Variants in PER3 observed in about 807,000 individuals in gnomAD.
The protein encoded by PER3 is period circadian regulator 3, also known as period circadian protein homolog 3.
Under a neutral mutation model 127.2 loss-of-function variants are expected in PER3, and 107 were observed. The observed-to-expected ratio is 0.84, with a 90% CI of 0.72 to 0.99. The LOEUF (loss-of-function observed/expected upper bound fraction) is 0.99. PER3 is among the 50% of genes least tolerant of loss of function. The pLI is 0.00. For synonymous variants in PER3, 618 were observed against 585.8 expected (o/e 1.05, Z -0.79); for missense variants, 1,560 against 1,525.8 (o/e 1.02, Z -0.37).
Position 7,827,274 on chromosome 1 carries a change from C to T in PER3, c.2345C>T (p.Ala782Val), listed in dbSNP as rs1437269665. 1 of 1,613,702 alleles carries T rather than the reference C, an allele frequency of 6.2e-7. No individual in the cohort carries two copies. The highest frequency in any genetic ancestry group is 8.5e-7 in the Non-Finnish European group (1 of 1,179,880). Residue 782 changes from alanine to valine, a missense_variant, in exon 18 of 22, where the codon GCG (alanine) becomes GTG (valine). By Grantham distance (64) the Ala-to-Val change is moderately conservative. Around this residue, in one of 3 missense-constraint regions of PER3, gnomAD observed 1,332 missense variants for 1,223.6 expected, o/e 1.09. Transcript: ENST00000377532. ...AACGCACAGCCCTGCTGCCCCTCCG[C>T]GGCCTCCTCTCCGCACACCTCGAGC... ...HQNAQPCCPSAASSPHTSSPT... is the reference protein window; with the variant it reads ...HQNAQPCCPSVASSPHTSSPT...
rs1392759155 is a variant in PER3, at chr1:7,827,170, C to G, written c.2241C>G (p.His747Gln). 1.2e-6 allele frequency: 2 copies of G among 1,611,994 alleles called. No individual in the cohort carries two copies. Among genetic ancestry groups the G allele is most frequent in the Non-Finnish European group, 1.7e-6 (2 of 1,179,310 alleles). The part of the protein sequence containing the change: ...TRSAGCRKGK[H>Q]KRKKLPEPPD... ...CGGCCGGCTGCAGGAAAGGGAAGCA[C>G]AAGCGGAAGAAGCTGCCGGAGCCGC... is the stretch of plus-strand genomic sequence containing the variant. Residue 747 changes from histidine (H) to glutamine (Q), a missense_variant, in exon 18 of 22, where the codon CAC becomes CAG. Transcript: ENST00000377532.
rs2097398516 is a variant in PER3 at position 7,843,013 on chromosome 1, C to T, written c.*258C>T. 1 of 237,166 alleles carries T rather than the reference C, an allele frequency of 4.2e-6. No homozygotes were observed. Among genetic ancestry groups the T allele is most frequent in the South Asian group, 1.1e-4 (1 of 9,242 alleles). The allele number at this position is 237,166 out of a possible 1,614,324, so 14.7% of individuals were successfully genotyped here. ...GTCTTCTAAAGAGATTGGATGGCCT[C>T]TAAAGAGGTATGTGTATCTTTATTT... On this transcript the variant is annotated 3_prime_UTR_variant, in exon 22 of 22. Transcript: ENST00000377532.
Position 7,837,013 on chromosome 1 carries a change from T to C in PER3, c.3413T>C (p.Val1138Ala). The C allele has an allele frequency of 6.2e-7, 1 of 1,613,292 alleles. No individual in the cohort carries two copies. Among genetic ancestry groups the C allele is most frequent in the Non-Finnish European group, 8.5e-7 (1 of 1,179,632 alleles). The change falls in exon 21 of 22, where the codon GTA becomes GCA. Residue 1138 changes from valine to alanine, a missense_variant. Coordinates refer to ENST00000377532, the MANE Select transcript of PER3 (RefSeq NM_001377275.1). Reference sequence around the variant, plus strand: ...TTTGTTTTCAGGGTTAAAGAAGTTGTACTAAAAGAAGACCTGGAAAAGCTA... The same window carrying C: ...TTTGTTTTCAGGGTTAAAGAAGTTGCACTAAAAGAAGACCTGGAAAAGCTA... ...YQVPERVKEV[V>A]LKEDLEKLES...
intron 19 of PER3, among the ~76,000 whole-genome samples, chr1:7,832,326 T>C (rs918903353): frequency 6.6e-6 from 1 of 151,580 alleles, no homozygotes; most frequent in Non-Finnish European, 1.5e-5. Flanking sequence ...GGGTTTTTTT[T>C]CCTATTGTTT....
chr1:7,817,642 G>A (rs1455139116), intron 13 of PER3, among the ~76,000 whole-genome samples: 1 of 152,184 alleles, frequency 6.6e-6, no homozygotes, highest in Non-Finnish European at 1.5e-5. Flanking sequence ...ACTCCATGGT[G>A]CTGGATTGGC....
intron 14 of PER3, among the ~76,000 whole-genome samples, chr1:7,819,668 A>T (rs2097266780): frequency 6.6e-6 from 1 of 152,202 alleles, no homozygotes; most frequent in Non-Finnish European, 1.5e-5. Flanking sequence ...GTCAAAATTA[A>T]ATGGTGTAAG....
At position 7,841,060 on chromosome 1, in the gene PER3, TAAG is replaced by T. The variant is rs544885639; in HGVS notation, c.3550-1603_3550-1601del. ...CTTTTGGCTTCCCTGGGCCACATTG[TAAG>T]AAGAAGAATTGTCTTGGGCCACACA... On this transcript the variant is annotated intron_variant, in intron 21 of 21. Coordinates refer to ENST00000377532, the MANE Select transcript of PER3 (RefSeq NM_001377275.1). 2.9e-3 allele frequency among the ~76,000 whole-genome samples: 440 copies of T among 152,324 alleles called. 3 individuals are homozygous for T. The highest frequency in any genetic ancestry group is 9.2e-3 in the African/African-American group (382 of 41,572).
intron 19 of PER3, 47 bp from the exon 20 acceptor site, chr1:7,835,715 T>A: frequency 7.3e-7 from 1 of 1,371,468 alleles, no homozygotes; most frequent in Non-Finnish European, 1.0e-6. Flanking sequence ...GTTTGGCAAA[T>A]CAGTCGGACA....
At chr1:7,792,854 T>G (rs1176001229) in intron 5 of PER3, among the ~76,000 whole-genome samples, 1 of 152,224 alleles carries the variant, frequency 6.6e-6, no homozygotes, top group Non-Finnish European at 1.5e-5. Context: ...GGTGCACGTC[T>G]GCTGTCTTAG....
chr1:7,827,544 C>A lies in PER3; in HGVS notation c.2615C>A (p.Ser872Ter). The A allele has an allele frequency of 6.2e-7, 1 of 1,614,224 alleles. No homozygotes were observed. Among genetic ancestry groups the A allele is most frequent in the Non-Finnish European group, 8.5e-7 (1 of 1,180,050 alleles). ...CCTGTCTGTCCTCTGTTGTCGCCAT[C>A]GTTTTTGCCATGTCCATTCCTGGGG... ...DPPVCPLLSP[S>*]FLPCPFLGAT... is the part of the protein sequence containing the mutation. Residue 872 changes from serine (S) to a stop codon, truncating the protein, a stop_gained, in exon 18 of 22, where the codon TCG becomes TAG. Coordinates refer to ENST00000377532, the MANE Select transcript of PER3 (RefSeq NM_001377275.1). LOFTEE classifies it high-confidence loss of function.
chr1:7,812,453 C>T (rs1164261807), intron 13 of PER3, among the ~76,000 whole-genome samples: 4 of 151,646 alleles, frequency 2.6e-5, no homozygotes, highest in Middle Eastern at 3.4e-3. Flanking sequence ...GGTGAAACCC[C>T]GTCTCTACTA....
At chr1:7,832,732 ATTTC>A (rs2097338556) in intron 19 of PER3, among the ~76,000 whole-genome samples, 2 of 144,716 alleles carry the variant, frequency 1.4e-5, no homozygotes, top group Non-Finnish European at 3.0e-5. Flanking sequence ...TTTTTTTCTT[ATTTC>A]TTAAGGTAGA....
chr1:7,790,782 A>G (rs1484902850), intron 5 of PER3, among the ~76,000 whole-genome samples: 1 of 152,164 alleles, frequency 6.6e-6, no homozygotes, highest in East Asian at 1.9e-4. Context: ...ACCCATTTCA[A>G]ATGGGAGAAA....
At chr1:7,812,686 A>G (rs1411936773) in intron 13 of PER3, among the ~76,000 whole-genome samples, 2 of 151,216 alleles carry the variant, frequency 1.3e-5, no homozygotes, top group East Asian at 3.9e-4. Context: ...TTATGCAGCT[A>G]CTTTAGAAAC....
intron 19 of PER3, among the ~76,000 whole-genome samples, chr1:7,830,610 A>G (rs1196727200): frequency 6.6e-6 from 1 of 152,228 alleles, no homozygotes; most frequent in African/African-American, 2.4e-5. Context: ...TGCACGCTCA[A>G]TAGCATTTAT....
At chr1:7,837,890 C>T (rs568658532) in intron 21 of PER3, among the ~76,000 whole-genome samples, 12 of 152,260 alleles carry the variant, frequency 7.9e-5, no homozygotes, top group Admixed American at 2.0e-4. Flanking sequence ...ATAGCCAAAC[C>T]TCATCTCTAA....
chr1:7,811,322 CAAT>C (rs1332555016), intron 13 of PER3, among the ~76,000 whole-genome samples: 1 of 152,040 alleles, frequency 6.6e-6, no homozygotes. Flanking sequence ...TTTTTGAGGT[CAAT>C]AATGATAACA....
At chr1:7,821,739 A>G (rs1360151394) in intron 16 of PER3, among the ~76,000 whole-genome samples, 1 of 152,110 alleles carries the variant, frequency 6.6e-6, no homozygotes, top group Non-Finnish European at 1.5e-5. Context: ...GTTTCTTCTG[A>G]TCTTAAATCA....
intron 8 of PER3, 102 bp from the exon 9 acceptor site, chr1:7,802,945 A>C: frequency 1.3e-6 from 1 of 763,798 alleles, no homozygotes; most frequent in Non-Finnish European, 2.4e-6. Context: ...ACAGCTTTGC[A>C]TAAAATTGTC....
Sources: allele counts gnomAD v4.1 joint callset (sites outside exome capture counted in the v4.1 genomes callset), GRCh38; gene constraint gnomAD v4.1.1; regional missense constraint gnomAD v4.1.1; transcripts MANE v1.5; gene names NCBI Gene and HGNC (gene_info 2026-07-23, HGNC 2026-07-21).